Variants in TMCO5A observed in about 807,000 individuals in gnomAD.
TMCO5A encodes the protein transmembrane and coiled-coil domains 5A.
TMCO5A carries 34 observed loss-of-function variants against 42.3 expected under a neutral mutation model. The ratio of observed to expected loss-of-function variants is 0.80; its 90% CI spans 0.61 to 1.07. The LOEUF (loss-of-function observed/expected upper bound fraction) is 1.07, where lower values mean the gene tolerates loss of function less well. Among genes scored for constraint, TMCO5A ranks in the 50% least tolerant of loss-of-function variants. The probability of loss-of-function intolerance (pLI) is 0.00; values close to 1 mark genes in which losing one functional copy is unlikely to be tolerated. For synonymous variants in TMCO5A, 131 were observed against 115.6 expected (o/e 1.13, Z -0.86); for missense variants, 357 against 327.9 (o/e 1.09, Z -0.69).
chr15:37,967,694 T>C (rs1890588449), exon 12 of TMCO5A: 1 of 152,184 alleles, frequency 6.6e-6, no homozygotes, highest in South Asian at 2.1e-4. Flanking sequence ...GAAAGTTGCA[T>C]AAAATCGAAT....
At position 37,941,689 on chromosome 15, in the gene TMCO5A, T is replaced by C. The variant is rs370188900; in HGVS notation, c.463T>C (p.Phe155Leu). 6.2e-7 allele frequency: 1 copy of C among 1,611,508 alleles called. No individual in the cohort carries two copies. The highest frequency in any genetic ancestry group is 1.3e-5 in the African/African-American group (1 of 74,808). Reference protein sequence around the residue: ...ELLKVMKEYAFVTQLCEDQAL... With the variant: ...ELLKVMKEYALVTQLCEDQAL... Reference sequence around the variant, plus strand: ...TTCCTAGGTAATGAAGGAGTATGCATTTGTGACCCAGCTCTGTGAAGATCA... The same window carrying C: ...TTCCTAGGTAATGAAGGAGTATGCACTTGTGACCCAGCTCTGTGAAGATCA... The change falls in exon 8 of 12, where the codon TTT (phenylalanine) becomes CTT (leucine). Residue 155 changes from phenylalanine (F) to leucine (L), a missense_variant. Phe to Leu is a conservative substitution (Grantham distance 22). Coordinates refer to ENST00000319669, the MANE Select transcript of TMCO5A (RefSeq NM_152453.4).
At chr15:38,019,964 G>GT in the TMCO5A span, among the ~76,000 whole-genome samples, 206 of 143,544 alleles carry the variant, frequency 1.4e-3, no homozygotes, top group African/African-American at 1.4e-3. Context: ...AGCATCAGAG[G>GT]TTTTTTTTTT....
At chr15:37,943,193 A>C (rs564373184) in intron 9 of TMCO5A, 148 bp from the exon 10 acceptor site, 4 of 601,528 alleles carry the variant, frequency 6.6e-6, no homozygotes, top group Non-Finnish European at 1.1e-5. Context: ...ATTTAACTTT[A>C]ATTAATTTAA....
the TMCO5A span, among the ~76,000 whole-genome samples, chr15:38,021,505 C>A: frequency 1.3e-5 from 2 of 151,880 alleles, no homozygotes; most frequent in African/African-American, 4.8e-5. Flanking sequence ...TGCTTGTATT[C>A]ATAATCTATT....
the TMCO5A span, among the ~76,000 whole-genome samples, chr15:37,985,823 A>G: frequency 6.6e-6 from 1 of 152,136 alleles, no homozygotes; most frequent in East Asian, 1.9e-4. Flanking sequence ...TTATTTTAAA[A>G]GATTCTGAAA....
the TMCO5A span, among the ~76,000 whole-genome samples, chr15:37,996,951 T>C: frequency 3.9e-5 from 6 of 152,172 alleles, no homozygotes; most frequent in African/African-American, 1.2e-4. Context: ...ATAACTTCTA[T>C]CTTAAAACAT....
chr15:38,018,845 C>A, the TMCO5A span, among the ~76,000 whole-genome samples: 7 of 151,822 alleles, frequency 4.6e-5, no homozygotes, highest in Admixed American at 3.9e-4. Context: ...AGAAACACAA[C>A]AATTTATGCA....
At chr15:37,991,981 T>A in the TMCO5A span, among the ~76,000 whole-genome samples, 1 of 152,098 alleles carries the variant, frequency 6.6e-6, no homozygotes, top group Non-Finnish European at 1.5e-5. Flanking sequence ...CCAAAAGCAA[T>A]TGCAGCAAAA....
chr15:37,941,035 G>A (rs1157329645), intron 6 of TMCO5A, 114 bp from the exon 7 acceptor site: 9 of 882,508 alleles, frequency 1.0e-5, no homozygotes, highest in South Asian at 8.9e-5. Context: ...CAGGAGACGT[G>A]TGAAGTCATG....
At chr15:37,990,978 T>C in the TMCO5A span, among the ~76,000 whole-genome samples, 1 of 152,080 alleles carries the variant, frequency 6.6e-6, no homozygotes, top group Non-Finnish European at 1.5e-5. Context: ...TCCAAAAGCA[T>C]AAATAACTGT....
At chr15:37,996,979 G>T in the TMCO5A span, among the ~76,000 whole-genome samples, 4 of 152,160 alleles carry the variant, frequency 2.6e-5, no homozygotes, top group African/African-American at 9.7e-5. Flanking sequence ...AACTGAGAAG[G>T]AAGAAACGAC....
At chr15:38,035,223 T>C in the TMCO5A span, among the ~76,000 whole-genome samples, 8 of 152,308 alleles carry the variant, frequency 5.3e-5, no homozygotes, top group Non-Finnish European at 8.8e-5. Context: ...TGCAAGTACA[T>C]GGGAGAATAT....
At chr15:37,952,195 A>C (rs1321889431), downstream of TMCO5A, among the ~76,000 whole-genome samples, 2 of 152,096 alleles carry the variant, frequency 1.3e-5, no homozygotes, top group African/African-American at 4.8e-5. Context: ...CTAGTGCTGC[A>C]CTAGGCCCAG....
the TMCO5A span, among the ~76,000 whole-genome samples, chr15:38,011,071 G>A: frequency 0.028 from 4,318 of 152,250 alleles, 172 homozygotes; most frequent in African/African-American, 0.092. Flanking sequence ...ATTGCTGTGT[G>A]ACAAAACTTA....
downstream of TMCO5A, among the ~76,000 whole-genome samples, chr15:37,969,111 A>G (rs1890625903): frequency 6.6e-6 from 1 of 152,206 alleles, no homozygotes; most frequent in South Asian, 2.1e-4. Flanking sequence ...ACATAGAAGG[A>G]GTAATTCTCC....
At chr15:37,957,592 G>A (rs868693978) in intron 11 of TMCO5A, among the ~76,000 whole-genome samples, 2 of 152,062 alleles carry the variant, frequency 1.3e-5, no homozygotes, top group Non-Finnish European at 2.9e-5. Context: ...AATAAGAGAG[G>A]ATACAAACAA....
At chr15:38,031,389 T>C in the TMCO5A span, among the ~76,000 whole-genome samples, 4 of 152,272 alleles carry the variant, frequency 2.6e-5, no homozygotes, top group East Asian at 7.7e-4. Flanking sequence ...GTATCAATAT[T>C]AGTCTGTGTG....
chr15:38,021,489 C>T, the TMCO5A span, among the ~76,000 whole-genome samples: 1 of 151,880 alleles, frequency 6.6e-6, no homozygotes, highest in African/African-American at 2.4e-5. Context: ...TAGAAGTGAC[C>T]CCCATTGCTT....
chr15:37,958,505 G>C (rs1890346817), intron 11 of TMCO5A, among the ~76,000 whole-genome samples: 1 of 151,990 alleles, frequency 6.6e-6, no homozygotes, highest in Non-Finnish European at 1.5e-5. Context: ...ATCATCACTG[G>C]TCATTAGAGA....
Sources: gnomAD v4.1 joint callset for allele counts (sites outside exome capture counted in the v4.1 genomes callset) on GRCh38, gnomAD v4.1.1 for gene constraint, MANE v1.5 for transcripts, NCBI Gene and HGNC (gene_info 2026-07-23, HGNC 2026-07-21) for gene names.